CEP85L: variants seen among roughly 807,000 people sequenced by gnomAD.
CEP85L encodes centrosomal protein of 85 kDa-like.
CEP85L carries 60 observed loss-of-function variants against 100.3 expected under a neutral mutation model. That is an observed-to-expected ratio of 0.60 (90% CI 0.49 to 0.74). CEP85L has a LOEUF of 0.74. Among genes scored for constraint, CEP85L ranks in the 30% least tolerant of loss-of-function variants. The pLI is 0.00. For synonymous variants in CEP85L, 319 were observed against 322.7 expected (o/e 0.99, Z 0.12); for missense variants, 973 against 936.2 (o/e 1.04, Z -0.51).
chr6:118,616,022 G>C (rs187800746), intron 2 of CEP85L, among the ~76,000 whole-genome samples: 3 of 151,990 alleles, frequency 2.0e-5, no homozygotes, highest in Admixed American at 2.0e-4. Context: ...GAGAATCACT[G>C]AGTCTAGGAG....
intron 10 of CEP85L, among the ~76,000 whole-genome samples, chr6:118,472,609 A>G (rs1422882828): frequency 6.6e-6 from 1 of 152,204 alleles, no homozygotes; most frequent in Non-Finnish European, 1.5e-5. Flanking sequence ...TACTTTTTGC[A>G]GAGCATTTTT....
At chr6:118,614,290 A>G (rs1051479238) in intron 2 of CEP85L, among the ~76,000 whole-genome samples, 1 of 152,230 alleles carries the variant, frequency 6.6e-6, no homozygotes, top group Non-Finnish European at 1.5e-5. Context: ...AATAGTGAAA[A>G]GACTGAATGC....
At chr6:118,542,900 CAAAAAAAA>C (rs71012391) in intron 3 of CEP85L, among the ~76,000 whole-genome samples, 1 of 67,136 alleles carries the variant, frequency 1.5e-5, no homozygotes. Context: ...CAAGTTTTCC[CAAAAAAAA>C]AAAAAAAAAA....
intron 11 of CEP85L, among the ~76,000 whole-genome samples, chr6:118,470,002 T>C (rs982482230): frequency 6.6e-6 from 1 of 152,178 alleles, no homozygotes; most frequent in Non-Finnish European, 1.5e-5. Flanking sequence ...GTAGCAATAG[T>C]GGTTTAATTA....
intron 2 of CEP85L, among the ~76,000 whole-genome samples, chr6:118,612,898 A>C (rs576025429): frequency 6.6e-6 from 1 of 152,072 alleles, no homozygotes; most frequent in South Asian, 2.1e-4. Flanking sequence ...AAACTGAAAA[A>C]CAAGGCAGGA....
chr6:118,578,802 C>T (rs72954806), intron 2 of CEP85L, among the ~76,000 whole-genome samples: 2 of 152,072 alleles, frequency 1.3e-5, no homozygotes, highest in African/African-American at 4.8e-5. Context: ...CAGGCAGCAC[C>T]CTTCTGTAGA....
chr6:118,504,388 A>T (rs1021099612), intron 5 of CEP85L, among the ~76,000 whole-genome samples: 2 of 152,080 alleles, frequency 1.3e-5, no homozygotes, highest in Non-Finnish European at 2.9e-5. Flanking sequence ...AAAAGAAAAA[A>T]AAAAATCATA....
intron 2 of CEP85L, among the ~76,000 whole-genome samples, chr6:118,613,618 G>A (rs893092415): frequency 4.0e-5 from 6 of 151,780 alleles, no homozygotes; most frequent in Non-Finnish European, 5.9e-5. Context: ...TTAGCCCGGC[G>A]TGGTGGCACA....
intron 2 of CEP85L, among the ~76,000 whole-genome samples, chr6:118,570,012 T>A (rs1779791031): frequency 6.6e-6 from 1 of 152,200 alleles, no homozygotes; most frequent in African/African-American, 2.4e-5. Context: ...AATTTGTACA[T>A]ATCACTGTTT....
intron 1 of CEP85L, among the ~76,000 whole-genome samples, chr6:118,685,944 T>A (rs2114281989): frequency 6.6e-6 from 1 of 152,272 alleles, no homozygotes; most frequent in South Asian, 2.1e-4. Context: ...ACCTGAGAGT[T>A]CTGAAAATAG....
chr6:118,541,071 T>C lies in CEP85L; in HGVS notation c.1021-17151A>G, dbSNP rs567857218. Reference sequence around the variant, plus strand: ...GCTAAGGGAAAAAAAATCAATGTATTAATACTGGAGTCAACAATCAACTTT... The same window carrying C: ...GCTAAGGGAAAAAAAATCAATGTATCAATACTGGAGTCAACAATCAACTTT... On this transcript the variant is annotated intron_variant, in intron 3 of 12. Transcript: ENST00000368491. Among the ~76,000 whole-genome samples, 92 of 152,328 alleles carry C rather than the reference T, an allele frequency of 6.0e-4. 3 individuals are homozygous for C. Among genetic ancestry groups the C allele is most frequent in the Admixed American group, 5.0e-3 (76 of 15,296 alleles).
At chr6:118,677,693 TCTC>T (rs1776524145) in intron 1 of CEP85L, among the ~76,000 whole-genome samples, 1 of 152,174 alleles carries the variant, frequency 6.6e-6, no homozygotes, top group Non-Finnish European at 1.5e-5. Flanking sequence ...TCCTTCTTCT[TCTC>T]CTGTATTTTC....
At chr6:118,487,161 G>GA (rs974525134) in intron 6 of CEP85L, among the ~76,000 whole-genome samples, 1 of 152,236 alleles carries the variant, frequency 6.6e-6, no homozygotes, top group South Asian at 2.1e-4. Context: ...GAAAGTGGGA[G>GA]AAAAAAATAG....
intron 2 of CEP85L, among the ~76,000 whole-genome samples, chr6:118,585,571 G>A (rs1380133006): frequency 2.6e-5 from 4 of 152,104 alleles, no homozygotes; most frequent in Non-Finnish European, 5.9e-5. Flanking sequence ...ACTTCTCGAG[G>A]GTATACATTT....
chr6:118,523,523 GC>G (rs1260799665), intron 4 of CEP85L, among the ~76,000 whole-genome samples: 1 of 152,180 alleles, frequency 6.6e-6, no homozygotes, highest in Non-Finnish European at 1.5e-5. Context: ...TAGCATTGCA[GC>G]TAACCCGCTA....
intron 2 of CEP85L, among the ~76,000 whole-genome samples, chr6:118,593,190 T>C (rs1316871940): frequency 1.3e-5 from 2 of 152,058 alleles, no homozygotes; most frequent in Non-Finnish European, 2.9e-5. Flanking sequence ...TGAAGGATAA[T>C]GGCTAAAGGG....
intron 1 of CEP85L, among the ~76,000 whole-genome samples, chr6:118,689,217 A>G (rs1776949193): frequency 6.6e-6 from 1 of 152,224 alleles, no homozygotes. Context: ...GAGTTACATC[A>G]TTAAAAAAAT....
intron 1 of CEP85L, among the ~76,000 whole-genome samples, chr6:118,705,423 G>A (rs1777564515): frequency 6.6e-6 from 1 of 152,206 alleles, no homozygotes; most frequent in South Asian, 2.1e-4. Flanking sequence ...CAATGAAAAT[G>A]TTTAAAATAT....
At chr6:118,601,173 A>G (rs1047862093) in intron 2 of CEP85L, among the ~76,000 whole-genome samples, 19 of 152,196 alleles carry the variant, frequency 1.2e-4, no homozygotes, top group Non-Finnish European at 1.6e-4. Flanking sequence ...AACAGTGCCT[A>G]CCTCATATGG....
Sources: allele counts gnomAD v4.1 joint callset (sites outside exome capture counted in the v4.1 genomes callset), GRCh38; gene constraint gnomAD v4.1.1; transcripts MANE v1.5; gene names NCBI Gene and HGNC (gene_info 2026-07-23, HGNC 2026-07-21).